The following AFAP1 variants were observed in gnomAD, a reference collection of about 807,000 sequenced individuals.
AFAP1 encodes actin filament-associated protein 1.
A neutral mutation model predicts 93.9 loss-of-function variants in AFAP1; 75 were observed. The observed-to-expected ratio is 0.80, with a 90% CI of 0.66 to 0.97. AFAP1 has a LOEUF of 0.97. AFAP1 is among the 50% of genes least tolerant of loss of function. The pLI is 0.00. For synonymous variants in AFAP1, 517 were observed against 430.7 expected, an observed-to-expected ratio of 1.20 and a Z score of -2.48; for missense variants, 1,201 against 1,050.8, an observed-to-expected ratio of 1.14 and a Z score of -1.98.
chr4:7,823,832 C>G (rs2149080030), intron 6 of AFAP1, among the ~76,000 whole-genome samples: 1 of 152,314 alleles, frequency 6.6e-6, no homozygotes, highest in East Asian at 1.9e-4. Context: ...TTCAGCAACC[C>G]AGAGCAGGCC....
At chr4:7,914,824 T>C (rs901654786) in intron 1 of AFAP1, among the ~76,000 whole-genome samples, 1 of 152,156 alleles carries the variant, frequency 6.6e-6, no homozygotes, top group Non-Finnish European at 1.5e-5. Context: ...GCTCGCTCAC[T>C]GTAGCCTCCA....
At chr4:7,829,473 C>T (rs1444828030) in intron 6 of AFAP1, among the ~76,000 whole-genome samples, 1 of 152,168 alleles carries the variant, frequency 6.6e-6, no homozygotes, top group African/African-American at 2.4e-5. Context: ...GTAGTTATTA[C>T]CAAACCTGGC....
chr4:7,799,622 C>T (rs1276746753), intron 10 of AFAP1, among the ~76,000 whole-genome samples: 1 of 152,068 alleles, frequency 6.6e-6, no homozygotes, highest in Non-Finnish European at 1.5e-5. Context: ...TGTGAATGCA[C>T]AGATCTGTCT....
chr4:7,818,234 G>C (rs1406015902), intron 7 of AFAP1, among the ~76,000 whole-genome samples: 2 of 152,190 alleles, frequency 1.3e-5, no homozygotes, highest in African/African-American at 2.4e-5. Flanking sequence ...CACTTCACCT[G>C]CACCATCGGC....
chr4:7,826,720 G>A (rs1721453703), intron 6 of AFAP1, among the ~76,000 whole-genome samples: 1 of 152,194 alleles, frequency 6.6e-6, no homozygotes, highest in African/African-American at 2.4e-5. Context: ...TGAGAGTGAG[G>A]CAAGGTGAAG....
chr4:7,902,210 C>A (rs1224340905), intron 1 of AFAP1, among the ~76,000 whole-genome samples: 1 of 152,158 alleles, frequency 6.6e-6, no homozygotes, highest in Non-Finnish European at 1.5e-5. Flanking sequence ...CAGTTCTCAG[C>A]GGGCTTCCCG....
rs1445176412 is a variant in AFAP1 at position 7,774,824 on chromosome 4, C to T, written c.1977G>A (p.Leu659=). ...KRLQTKEEEL[L]KRKEALRNRL... ...TATTCCGCAGGGCCTCTTTCCTCTT[C>T]AGCAGCTCCTCCTCTTTGGTCTGTA... Residue 659 remains leucine, a synonymous_variant, in exon 15 of 18, where the codon CTG becomes CTA. Coordinates refer to ENST00000420658, the MANE Select transcript of AFAP1 (RefSeq NM_001134647.2). 2.5e-6 allele frequency: 4 copies of T among 1,614,222 alleles called. No homozygotes were observed. Among genetic ancestry groups the T allele is most frequent in the East Asian group, 2.2e-5 (1 of 44,888 alleles).
chr4:7,932,974 C>T (rs1381758115), intron 1 of AFAP1, among the ~76,000 whole-genome samples: 3 of 141,144 alleles, frequency 2.1e-5, no homozygotes, highest in Admixed American at 1.5e-4. Flanking sequence ...GAGCCGAGAT[C>T]GCGCCACTGC....
At chr4:7,817,204 G>C (rs963626515) in intron 7 of AFAP1, among the ~76,000 whole-genome samples, 2 of 152,166 alleles carry the variant, frequency 1.3e-5, no homozygotes, top group African/African-American at 4.8e-5. Flanking sequence ...CTATCCTTTG[G>C]TCTAGTAATT....
intron 6 of AFAP1, 50 bp downstream of exon 6, chr4:7,838,474 A>G (rs1560190286): frequency 1.3e-6 from 2 of 1,544,446 alleles, no homozygotes; most frequent in Non-Finnish European, 1.7e-6. Context: ...AATGGATCTC[A>G]GAAAGGCATG....
At chr4:7,922,397 G>A (rs763416411) in intron 1 of AFAP1, among the ~76,000 whole-genome samples, 6 of 150,956 alleles carry the variant, frequency 4.0e-5, no homozygotes, top group Non-Finnish European at 7.3e-5. Context: ...CAGGGATCAT[G>A]TAAAGGAAGT....
rs373491758 is a variant in AFAP1, at chr4:7,798,297, T to C, written c.1266+2145A>G. On this transcript the variant is annotated intron_variant, in intron 10 of 17. Transcript: ENST00000420658. ...CAACTCTACTGGCTGGCTCACGGCA[T>C]TGCAACCCTATTGGCTGGCTCACGG... Among the ~76,000 whole-genome samples the C allele has an allele frequency of 9.7e-4, 115 of 118,306 alleles. 3 individuals carry two copies. The highest frequency in any genetic ancestry group is 4.1e-3 in the Middle Eastern group (1 of 244). 77.6% of individuals were successfully genotyped at this position (118,306 alleles called of 152,430 possible). A position where few individuals can be genotyped will look rare whatever the true frequency, so the allele number is the denominator to read the frequency against.
At chr4:7,888,982 G>T (rs1228279539) in intron 1 of AFAP1, among the ~76,000 whole-genome samples, 1 of 151,806 alleles carries the variant, frequency 6.6e-6, no homozygotes, top group South Asian at 2.1e-4. Flanking sequence ...AGTAAAGACG[G>T]GGTTTCACCA....
At chr4:7,852,461 C>G (rs1476896481) in intron 4 of AFAP1, among the ~76,000 whole-genome samples, 1 of 152,110 alleles carries the variant, frequency 6.6e-6, no homozygotes, top group Non-Finnish European at 1.5e-5. Context: ...AAGCCACTAC[C>G]CCACAGTGGG....
intron 3 of AFAP1, 101 bp downstream of exon 3, chr4:7,868,521 C>T: frequency 1.0e-6 from 1 of 983,120 alleles, no homozygotes; most frequent in Non-Finnish European, 1.5e-6. Context: ...CAAATAAGGG[C>T]TCCATTCTTC....
chr4:7,814,315 ATACCAC>A (rs1432979608), intron 8 of AFAP1, among the ~76,000 whole-genome samples: 1 of 152,232 alleles, frequency 6.6e-6, no homozygotes, highest in East Asian at 1.9e-4. Context: ...ACACAATCAC[ATACCAC>A]TACACCCCTA....
At chr4:7,836,969 G>A (rs1022183242) in intron 6 of AFAP1, among the ~76,000 whole-genome samples, 6 of 152,016 alleles carry the variant, frequency 3.9e-5, no homozygotes, top group African/African-American at 1.2e-4. Context: ...GAGATAACCT[G>A]GCACAAGGAT....
Position 7,785,455 on chromosome 4 carries a change from T to C in AFAP1, c.1530+739A>G, listed in dbSNP as rs1169691104. 2.0e-5 allele frequency among the ~76,000 whole-genome samples: 3 copies of C among 152,342 alleles called. No individual in the cohort carries two copies. In the East Asian group the frequency reaches 5.8e-4, roughly 29 times the overall value. ...CCAAGGTAAGCTGTCGAATTTGTAA[T>C]GTGGTCATTCCTCTATGTCATCATT... is the stretch of plus-strand genomic sequence containing the variant. On this transcript the variant is annotated intron_variant, in intron 12 of 17. Coordinates refer to ENST00000420658, the MANE Select transcript of AFAP1 (RefSeq NM_001134647.2).
At chr4:7,786,867 G>A (rs1253988271) in intron 11 of AFAP1, among the ~76,000 whole-genome samples, 2 of 152,196 alleles carry the variant, frequency 1.3e-5, no homozygotes, top group Non-Finnish European at 2.9e-5. Flanking sequence ...GTGGACCCCT[G>A]TTCTATAAGC....
Sources: gnomAD v4.1 joint callset for allele counts (sites outside exome capture counted in the v4.1 genomes callset) on GRCh38, gnomAD v4.1.1 for gene constraint, MANE v1.5 for transcripts, NCBI Gene and HGNC (gene_info 2026-07-23, HGNC 2026-07-21) for gene names.